Variants in DCDC2 observed in about 807,000 individuals in gnomAD.
DCDC2 encodes the protein doublecortin domain containing 2, also known as doublecortin domain-containing protein 2.
A neutral mutation model predicts 50.2 loss-of-function variants in DCDC2; 40 were observed. The observed-to-expected ratio is 0.80, with a 90% CI of 0.62 to 1.04. The LOEUF (loss-of-function observed/expected upper bound fraction) is 1.04. DCDC2 is among the 50% of genes least tolerant of loss of function. DCDC2 has a pLI of 0.00. For synonymous variants in DCDC2, 234 were observed against 210.6 expected, an observed-to-expected ratio of 1.11 and a Z score of -0.96; for missense variants, 570 against 581.9, an observed-to-expected ratio of 0.98 and a Z score of 0.21.
Position 24,193,165 on chromosome 6 carries a change from G to GA in DCDC2, c.1023+11836dup, listed in dbSNP as rs531518019. ...ATACTTACAGTCAAGTTTGATTAGA[G>GA]AAAAAAAAAAGATATTTTCAGACAT... On this transcript the variant is annotated intron_variant, in intron 8 of 9. Coordinates refer to ENST00000378454, the MANE Select transcript of DCDC2 (RefSeq NM_016356.5). Among the ~76,000 whole-genome samples the GA allele has an allele frequency of 7.1e-4, 104 of 147,046 alleles. 2 individuals are homozygous for GA. Among genetic ancestry groups the GA allele is most frequent in the Non-Finnish European group, 1.3e-3 (84 of 66,362 alleles).
rs57175093 is a variant in DCDC2, at chr6:24,318,780, C to CGTGTGTGTGTGTGTGTGTGTGTGTGTGT, written c.349-16737_349-16736insACACACACACACACACACACACACACAC. ...AATAATATTCCGTTTTATATACGTA[C>CGTGTGTGTGTGTGTGTGTGTGTGTGTGT]GTGTGTGTGTGTGTGTGTGTATTAT... On this transcript the variant is annotated intron_variant, in intron 2 of 9. Transcript: ENST00000378454. Among the ~76,000 whole-genome samples the CGTGTGTGTGTGTGTGTGTGTGTGTGTGT allele has an allele frequency of 3.0e-3, 450 of 149,650 alleles. 3 individuals carry two copies. Among genetic ancestry groups the CGTGTGTGTGTGTGTGTGTGTGTGTGTGT allele is most frequent in the Middle Eastern group, 0.01 (3 of 292 alleles).
intron 2 of DCDC2, among the ~76,000 whole-genome samples, chr6:24,313,002 A>AT (rs1363936598): frequency 6.6e-6 from 1 of 152,176 alleles, no homozygotes; most frequent in African/African-American, 2.4e-5. Context: ...TTCTCAGGAA[A>AT]TTTTGATGCT....
At chr6:24,321,558 C>T (rs537561017) in intron 2 of DCDC2, among the ~76,000 whole-genome samples, 2 of 152,196 alleles carry the variant, frequency 1.3e-5, no homozygotes, top group South Asian at 2.1e-4. Flanking sequence ...AGAGCATTTG[C>T]TTTAGAATAC....
intron 2 of DCDC2, among the ~76,000 whole-genome samples, chr6:24,310,842 G>C (rs3891317): frequency 0.035 from 5,288 of 152,038 alleles, 255 homozygotes; most frequent in African/African-American, 0.12. Context: ...GCAAGAAAAT[G>C]TTACCACAGG....
At chr6:24,338,356 A>T (rs1356052497) in intron 2 of DCDC2, among the ~76,000 whole-genome samples, 1 of 152,226 alleles carries the variant, frequency 6.6e-6, no homozygotes, top group Non-Finnish European at 1.5e-5. Context: ...GCCATTAAAA[A>T]AAAACAACAA....
At chr6:24,209,900 A>C (rs1351196697) in intron 7 of DCDC2, among the ~76,000 whole-genome samples, 1 of 152,046 alleles carries the variant, frequency 6.6e-6, no homozygotes, top group African/African-American at 2.4e-5. Context: ...TTTCTAATCT[A>C]TCTTCTATAA....
chr6:24,188,657 ATTGT>A, intron 8 of DCDC2, among the ~76,000 whole-genome samples: 1 of 152,270 alleles, frequency 6.6e-6, no homozygotes, highest in African/African-American at 2.4e-5. Context: ...TCAGATAGAA[ATTGT>A]TTCTCTAAGG....
At position 24,204,915 on chromosome 6, in the gene DCDC2, T is replaced by C. The variant is rs1306194683; in HGVS notation, c.1023+87A>G. On this transcript the variant is annotated intron_variant, in intron 8 of 9. Coordinates refer to ENST00000378454, the MANE Select transcript of DCDC2 (RefSeq NM_016356.5). ...TTAGAGGGTTTAATTCATACAGGTA[T>C]AGGAACAATTTGTAGGAGATAACAC... is the stretch of plus-strand genomic sequence containing the variant. 4 of 1,253,232 alleles carry C rather than the reference T, an allele frequency of 3.2e-6. No individual in the cohort carries two copies. The African/African-American group carries it at 4.5e-5, about 14-fold the overall frequency. 77.6% of individuals were successfully genotyped at this position (1,253,232 alleles called of 1,614,324 possible). A position where few individuals can be genotyped will look rare whatever the true frequency, so the allele number is the denominator to read the frequency against.
chr6:24,209,520 T>C (rs1216365842), intron 7 of DCDC2, among the ~76,000 whole-genome samples: 2 of 152,210 alleles, frequency 1.3e-5, no homozygotes, highest in African/African-American at 4.8e-5. Context: ...TACTACATAC[T>C]AATGTCAACA....
Position 24,180,337 on chromosome 6 carries a change from T to G in DCDC2, c.1024-1705A>C, listed in dbSNP as rs929631201. On this transcript the variant is annotated intron_variant, in intron 8 of 9. Coordinates refer to ENST00000378454, the MANE Select transcript of DCDC2 (RefSeq NM_016356.5). ...TCTTGCTCTGTCGCCCTGGCTGGAG[T>G]GCAGTGGTGCGATCTCTGCTCACTG... 1.6e-4 allele frequency among the ~76,000 whole-genome samples: 24 copies of G among 152,116 alleles called. 1 individual carries two copies. The highest frequency in any genetic ancestry group is 1.2e-3 in the Admixed American group (19 of 15,286).
intron 7 of DCDC2, among the ~76,000 whole-genome samples, chr6:24,245,532 C>A (rs773219336): frequency 2.0e-5 from 3 of 152,152 alleles, no homozygotes; most frequent in Non-Finnish European, 4.4e-5. Flanking sequence ...AGACATTAAC[C>A]ATAAAACTGG....
chr6:24,187,006 T>C (rs1441656690), intron 8 of DCDC2, among the ~76,000 whole-genome samples: 1 of 152,000 alleles, frequency 6.6e-6, no homozygotes, highest in African/African-American at 2.4e-5. Flanking sequence ...TGTGAGAAAA[T>C]AAATGTCTGC....
intron 7 of DCDC2, among the ~76,000 whole-genome samples, chr6:24,207,988 T>A (rs1424672590): frequency 2.6e-5 from 4 of 152,206 alleles, no homozygotes; most frequent in Non-Finnish European, 4.4e-5. Context: ...TATGTCACCA[T>A]CTGAGTAACT....
rs145688748 is a variant in DCDC2 at position 24,214,822 on chromosome 6, A to G, written c.923-9720T>C. The stretch of plus-strand genomic sequence containing the variant: ...TCAGAAGAGTTAGCCATACTTCTAT[A>G]CGCTAGATTTATCATCATAACAAAT... On this transcript the variant is annotated intron_variant, in intron 7 of 9. Coordinates refer to ENST00000378454, the MANE Select transcript of DCDC2 (RefSeq NM_016356.5). 2.5e-3 allele frequency among the ~76,000 whole-genome samples: 380 copies of G among 152,302 alleles called. 1 individual carries two copies. The highest frequency in any genetic ancestry group is 8.7e-3 in the African/African-American group (361 of 41,556).
chr6:24,214,138 C>A (rs553828251), intron 7 of DCDC2, among the ~76,000 whole-genome samples: 3 of 152,278 alleles, frequency 2.0e-5, no homozygotes, highest in African/African-American at 7.2e-5. Flanking sequence ...GTATTCTTAA[C>A]TGTAGTTTGA....
intron 2 of DCDC2, among the ~76,000 whole-genome samples, chr6:24,329,174 G>A (rs976525406): frequency 6.6e-6 from 1 of 152,154 alleles, no homozygotes; most frequent in Non-Finnish European, 1.5e-5. Context: ...AAAGTTTGGA[G>A]AGATGATTCA....
At chr6:24,361,793 G>A (rs368774961), upstream of DCDC2, among the ~76,000 whole-genome samples, 2 of 152,118 alleles carry the variant, frequency 1.3e-5, no homozygotes, top group African/African-American at 4.8e-5. Context: ...GGACCCTGAC[G>A]CCAGCCCATG....
At chr6:24,276,207 C>T (rs1763354128) in intron 7 of DCDC2, among the ~76,000 whole-genome samples, 1 of 152,070 alleles carries the variant, frequency 6.6e-6, no homozygotes, top group South Asian at 2.1e-4. Flanking sequence ...TTCCTATGAA[C>T]AAGGGATATG....
At chr6:24,263,909 C>T (rs1328256496) in intron 7 of DCDC2, among the ~76,000 whole-genome samples, 1 of 151,926 alleles carries the variant, frequency 6.6e-6, no homozygotes, top group African/African-American at 2.4e-5. Flanking sequence ...CAGATTTAAC[C>T]CAAATAAGAC....
Sources: allele counts gnomAD v4.1 joint callset (sites outside exome capture counted in the v4.1 genomes callset), GRCh38; gene constraint gnomAD v4.1.1; transcripts MANE v1.5; gene names NCBI Gene and HGNC (gene_info 2026-07-23, HGNC 2026-07-21).